KCNH8: variants seen among roughly 807,000 people sequenced by gnomAD.
KCNH8 encodes the protein potassium voltage-gated channel subfamily H member 8, also known as voltage-gated delayed rectifier potassium channel KCNH8.
In KCNH8, 70 loss-of-function variants were observed where a neutral mutation model predicts 103.6. The observed-to-expected ratio is 0.68, with a 90% CI of 0.56 to 0.82. The LOEUF is 0.82. Ranked by LOEUF, KCNH8 falls within the 40% of genes least tolerant of loss-of-function variation. KCNH8 has a pLI of 0.00. For synonymous variants in KCNH8, 498 were observed against 489.4 expected, an observed-to-expected ratio of 1.02 and a Z score of -0.23; for missense variants, 1,217 against 1,329.9, an observed-to-expected ratio of 0.92 and a Z score of 1.32.
At chr3:19,174,397 G>A (rs1462361089) in intron 1 of KCNH8, among the ~76,000 whole-genome samples, 2 of 152,054 alleles carry the variant, frequency 1.3e-5, no homozygotes, top group Admixed American at 6.6e-5. Context: ...AGGATCATAC[G>A]GACGTCTTGA....
chr3:19,315,355 T>C (rs575475490), intron 3 of KCNH8, among the ~76,000 whole-genome samples: 192 of 152,084 alleles, frequency 1.3e-3, no homozygotes, highest in Non-Finnish European at 2.3e-3. Context: ...ACTAAGGTAA[T>C]GAGAAAGGAA....
intron 7 of KCNH8, among the ~76,000 whole-genome samples, chr3:19,419,900 A>C (rs1292406631): frequency 6.6e-6 from 1 of 152,146 alleles, no homozygotes; most frequent in Non-Finnish European, 1.5e-5. Context: ...TTTCTATTAT[A>C]ATGATACTTA....
chr3:19,292,370 AG>A (rs1330826946), intron 3 of KCNH8, among the ~76,000 whole-genome samples: 1 of 152,210 alleles, frequency 6.6e-6, no homozygotes, highest in Admixed American at 6.6e-5. Flanking sequence ...ATTCCAACGC[AG>A]TGGCATTTCT....
chr3:19,438,703 A>G (rs2067236233), intron 8 of KCNH8, among the ~76,000 whole-genome samples: 1 of 152,134 alleles, frequency 6.6e-6, no homozygotes, highest in Non-Finnish European at 1.5e-5. Flanking sequence ...CAAACTTATA[A>G]TACACATTTG....
Position 19,150,553 on chromosome 3 carries a change from T to C in KCNH8, c.76+1758T>C, listed in dbSNP as rs111580125. Among the ~76,000 whole-genome samples the C allele has an allele frequency of 3.0e-3, 455 of 152,310 alleles. 1 individual carries two copies. The highest frequency in any genetic ancestry group is 0.01 in the South Asian group (49 of 4,826). On this transcript the variant is annotated intron_variant, in intron 1 of 15. Coordinates refer to ENST00000328405, the MANE Select transcript of KCNH8 (RefSeq NM_144633.3). The stretch of plus-strand genomic sequence containing the variant: ...GATACATTCAGATATCAATTGCTAA[T>C]GAGAGGGGCTTTAAATCATCAGCGT...
chr3:19,437,179 T>C (rs1179957477), intron 7 of KCNH8, among the ~76,000 whole-genome samples: 1 of 152,208 alleles, frequency 6.6e-6, no homozygotes, highest in East Asian at 1.9e-4. Context: ...TAGTATCCAT[T>C]ACAAAAATCC....
chr3:19,496,574 G>A (rs2068446327), intron 11 of KCNH8, among the ~76,000 whole-genome samples: 1 of 152,082 alleles, frequency 6.6e-6, no homozygotes, highest in Non-Finnish European at 1.5e-5. Context: ...CCTTTATGAT[G>A]TGCTGCTGGA....
chr3:19,253,781 GT>G lies in KCNH8; in HGVS notation c.206del (p.Phe69SerfsTer11). ...TCATGCAGAAGAGTTGTAGCTGCAA[GT>G]TCTTATTTGGGGTTGAAACCAATGA... ...EVMQKSCSCKFLFGVETNEQL... is the reference protein window; with the variant it reads ...EVMQKSCSCKXLFGVETNEQL... On this transcript the variant is annotated frameshift_variant, in exon 2 of 16. Coordinates refer to ENST00000328405, the MANE Select transcript of KCNH8 (RefSeq NM_144633.3). LOFTEE classifies it high-confidence loss of function. 12 of 1,613,914 alleles carry G rather than the reference GT, an allele frequency of 7.4e-6. No homozygotes were observed. The highest frequency in any genetic ancestry group is 1.0e-5 in the Non-Finnish European group (12 of 1,179,918).
At chr3:19,307,472 A>C (rs1186750061) in intron 3 of KCNH8, among the ~76,000 whole-genome samples, 3 of 152,022 alleles carry the variant, frequency 2.0e-5, no homozygotes, top group Non-Finnish European at 4.4e-5. Context: ...ACTACAAAGG[A>C]CAGTACGGAA....
chr3:19,208,959 T>C (rs569257536), intron 1 of KCNH8, among the ~76,000 whole-genome samples: 1 of 152,150 alleles, frequency 6.6e-6, no homozygotes, highest in South Asian at 2.1e-4. Flanking sequence ...CTTTCCTTGT[T>C]CAGTAAACAA....
chr3:19,168,788 G>A (rs568827790), intron 1 of KCNH8, among the ~76,000 whole-genome samples: 1 of 152,328 alleles, frequency 6.6e-6, no homozygotes, highest in South Asian at 2.1e-4. Flanking sequence ...TTTAAAGTAT[G>A]AAAGTTCATT....
At chr3:19,433,908 G>A (rs1167357275) in intron 7 of KCNH8, among the ~76,000 whole-genome samples, 1 of 152,204 alleles carries the variant, frequency 6.6e-6, no homozygotes, top group African/African-American at 2.4e-5. Context: ...TTGAGAGTGA[G>A]CTTTGGGAAC....
At chr3:19,529,312 C>CAGTTA (rs1417743861) in intron 15 of KCNH8, among the ~76,000 whole-genome samples, 1 of 152,134 alleles carries the variant, frequency 6.6e-6, no homozygotes, top group Non-Finnish European at 1.5e-5. Context: ...TATCTCTTTG[C>CAGTTA]AGTTAAGTTG....
intron 1 of KCNH8, among the ~76,000 whole-genome samples, chr3:19,238,234 C>T (rs2064090078): frequency 6.6e-6 from 1 of 152,176 alleles, no homozygotes; most frequent in South Asian, 2.1e-4. Flanking sequence ...AGTTACTAGA[C>T]AGAGTTATGT....
At chr3:19,532,497 G>A (rs576567905) in intron 15 of KCNH8, among the ~76,000 whole-genome samples, 2 of 152,252 alleles carry the variant, frequency 1.3e-5, no homozygotes, top group South Asian at 4.2e-4. Context: ...AGGCCACTTT[G>A]TCTCTGGCCT....
chr3:19,338,265 C>G (rs1462972885), intron 3 of KCNH8, among the ~76,000 whole-genome samples: 6 of 151,896 alleles, frequency 4.0e-5, no homozygotes, highest in African/African-American at 1.5e-4. Flanking sequence ...TTCAGTTCTT[C>G]AAAGATGCTG....
chr3:19,258,956 T>C (rs1240765230), intron 2 of KCNH8, among the ~76,000 whole-genome samples: 1 of 112,810 alleles, frequency 8.9e-6, no homozygotes, highest in East Asian at 2.4e-4. Context: ...TCTATATATA[T>C]ATATATATAT....
chr3:19,204,656 C>A (rs1463351307), intron 1 of KCNH8, among the ~76,000 whole-genome samples: 2 of 151,898 alleles, frequency 1.3e-5, no homozygotes, highest in Non-Finnish European at 2.9e-5. Flanking sequence ...AAATATAATG[C>A]GCTCACTTGA....
intron 2 of KCNH8, among the ~76,000 whole-genome samples, chr3:19,264,421 G>A (rs1450416683): frequency 6.6e-6 from 1 of 151,982 alleles, no homozygotes; most frequent in Non-Finnish European, 1.5e-5. Context: ...TTTTCCTATG[G>A]TCATGACTAA....
Sources: gnomAD v4.1 joint callset for allele counts (sites outside exome capture counted in the v4.1 genomes callset) on GRCh38, gnomAD v4.1.1 for gene constraint, MANE v1.5 for transcripts, NCBI Gene and HGNC (gene_info 2026-07-23, HGNC 2026-07-21) for gene names.